The following COPS3 variants were observed in gnomAD, a reference collection of about 807,000 sequenced individuals.
COPS3 encodes COP9 signalosome complex subunit 3.
In COPS3, 10 loss-of-function variants were observed where a neutral mutation model predicts 58.2. That is an observed-to-expected ratio of 0.17 (90% CI 0.11 to 0.29). The LOEUF (loss-of-function observed/expected upper bound fraction) is 0.29, where lower values mean the gene tolerates loss of function less well. Ranked by LOEUF, COPS3 falls within the 10% of genes least tolerant of loss-of-function variation. The pLI is 1.00. For synonymous variants in COPS3, 187 were observed against 181.7 expected (o/e 1.03, Z -0.24); for missense variants, 333 against 510.1 (o/e 0.65, Z 3.34).
intron 8 of COPS3, among the ~76,000 whole-genome samples, chr17:17,255,558 G>A (rs1483651993): frequency 3.3e-5 from 5 of 150,080 alleles, no homozygotes; most frequent in African/African-American, 7.4e-5. Flanking sequence ...AAAACTGATG[G>A]GCGAGGGGTG....
At chr17:17,280,885 G>C (rs1597713403) in intron 1 of COPS3, 3 of 1,007,464 alleles carry the variant, frequency 3.0e-6, no homozygotes, top group East Asian at 2.9e-5. Context: ...GCCCAGGCCG[G>C]GGGGAGGGGG....
At chr17:17,273,159 G>T (rs59301959) in intron 2 of COPS3, among the ~76,000 whole-genome samples, 1 of 152,156 alleles carries the variant, frequency 6.6e-6, no homozygotes, top group African/African-American at 2.4e-5. Context: ...CTTCACTTAC[G>T]CTGGGATTCC....
chr17:17,268,538 T>C lies in COPS3; in HGVS notation c.349-561A>G, dbSNP rs532671307. On this transcript the variant is annotated intron_variant, in intron 4 of 11. Coordinates refer to ENST00000268717, the MANE Select transcript of COPS3 (RefSeq NM_003653.4). ...GACTAAAATATAGTCTCTTCCAAAA[T>C]TGCTGGGCACGGTGGCTCACACCTG... is the stretch of plus-strand genomic sequence containing the variant. Among the ~76,000 whole-genome samples the C allele has an allele frequency of 2.0e-5, 3 of 152,260 alleles. No homozygotes were observed. In the East Asian group the frequency reaches 5.8e-4, roughly 29 times the overall value.
Position 17,267,886 on chromosome 17 carries a change from T to A in COPS3, c.440A>T (p.Gln147Leu). The A allele has an allele frequency of 6.2e-7, 1 of 1,613,668 alleles. No individual in the cohort carries two copies. The highest frequency in any genetic ancestry group is 8.5e-7 in the Non-Finnish European group (1 of 1,179,700). ...QLTSIHADLC[Q>L]LCLLAKCFKP... ...GAATCACACACTTTGGTTGCTTACCTGGCAGAGATCAGCATGTATTGAGGT... is the reference window on the plus strand; with the variant it reads ...GAATCACACACTTTGGTTGCTTACCAGGCAGAGATCAGCATGTATTGAGGT... Residue 147 changes from glutamine to leucine, a missense_variant and splice_region_variant, in exon 5 of 12, where the codon CAG becomes CTG. Physicochemically the swap from Gln to Leu is moderately radical, Grantham distance 113. Transcript: ENST00000268717.
intron 2 of COPS3, among the ~76,000 whole-genome samples, chr17:17,273,543 A>G (rs181828139): frequency 5.9e-4 from 89 of 152,016 alleles, no homozygotes; most frequent in Non-Finnish European, 4.6e-4. Context: ...ACATAGCAAG[A>G]CCCCATCTCT....
At chr17:17,270,646 A>G in intron 4 of COPS3, 112 bp downstream of exon 4, 4 of 940,902 alleles carry the variant, frequency 4.3e-6, no homozygotes, top group Non-Finnish European at 6.4e-6. Flanking sequence ...GTGACCACAG[A>G]TATCTAGGTG....
chr17:17,260,291 C>G lies in COPS3; in HGVS notation c.936+10G>C, dbSNP rs777413669. ...CAGGAGCTGCCCTGTGAAGGTGGCA[C>G]TTTCCTCACCTTTGTTAGCCTCTGA... On this transcript the variant is annotated intron_variant, in intron 8 of 11. Transcript: ENST00000268717. 3.7e-6 allele frequency: 6 copies of G among 1,612,386 alleles called. No individual in the cohort carries two copies. The highest frequency in any genetic ancestry group is 1.1e-5 in the South Asian group (1 of 90,976).
chr17:17,249,153 C>T, intron 9 of COPS3, 114 bp from the exon 10 acceptor site: 1 of 612,926 alleles, frequency 1.6e-6, no homozygotes. Context: ...TATAAATAAA[C>T]TTGTATATTT....
intron 1 of COPS3, among the ~76,000 whole-genome samples, chr17:17,278,683 T>C (rs2048511110): frequency 6.6e-6 from 1 of 152,170 alleles, no homozygotes; most frequent in Non-Finnish European, 1.5e-5. Flanking sequence ...AAATAAGCAT[T>C]GCAATCCATT....
intron 10 of COPS3, among the ~76,000 whole-genome samples, chr17:17,248,420 CTT>C (rs2047769702): frequency 6.6e-6 from 1 of 152,116 alleles, no homozygotes; most frequent in Admixed American, 6.6e-5. Context: ...TTCTAAGAGA[CTT>C]TCCTGCCTCA....
At position 17,281,234 on chromosome 17, in the gene COPS3, A is replaced by T. The variant is rs778309494; in HGVS notation, c.-48T>A. 1.3e-6 allele frequency: 2 copies of T among 1,582,422 alleles called. No homozygotes were observed. The highest frequency in any genetic ancestry group is 1.3e-5 in the African/African-American group (1 of 74,650). ...CGGCGAAGGCAGCACGCGCGGGAAAAGGCTGCCGCTCTGGGAGGAGGGGCC... is the reference window on the plus strand; with the variant it reads ...CGGCGAAGGCAGCACGCGCGGGAAATGGCTGCCGCTCTGGGAGGAGGGGCC... On this transcript the variant is annotated 5_prime_UTR_variant, in exon 1 of 12. Coordinates refer to ENST00000268717, the MANE Select transcript of COPS3 (RefSeq NM_003653.4).
At chr17:17,275,424 C>G (rs1414045407) in intron 2 of COPS3, among the ~76,000 whole-genome samples, 1 of 152,144 alleles carries the variant, frequency 6.6e-6, no homozygotes, top group Non-Finnish European at 1.5e-5. Context: ...CAGTCTCGCT[C>G]TGTCACCCAG....
intron 5 of COPS3, among the ~76,000 whole-genome samples, chr17:17,267,405 C>T (rs985494756): frequency 1.3e-5 from 2 of 151,040 alleles, no homozygotes; most frequent in Non-Finnish European, 2.9e-5. Context: ...CTTTGGGAGG[C>T]TGAGGCGGGT....
At chr17:17,261,277 A>C (rs1221053097) in intron 7 of COPS3, among the ~76,000 whole-genome samples, 2 of 152,250 alleles carry the variant, frequency 1.3e-5, no homozygotes, top group Non-Finnish European at 2.9e-5. Flanking sequence ...CTGTAATCCC[A>C]GCACTTTGGG....
intron 1 of COPS3, among the ~76,000 whole-genome samples, chr17:17,277,387 C>T (rs996680768): frequency 6.6e-6 from 1 of 152,150 alleles, no homozygotes; most frequent in African/African-American, 2.4e-5. Flanking sequence ...CCTAATTGAT[C>T]TATTTTTCCC....
intron 4 of COPS3, among the ~76,000 whole-genome samples, chr17:17,270,027 G>A (rs900684452): frequency 1.3e-5 from 2 of 152,064 alleles, no homozygotes; most frequent in Non-Finnish European, 2.9e-5. Flanking sequence ...GTGGCAGCAT[G>A]CACCTGTAGT....
chr17:17,276,103 T>C lies in COPS3; in HGVS notation c.117A>G (p.Leu39=). 1.2e-6 allele frequency: 2 copies of C among 1,614,132 alleles called. No individual in the cohort carries two copies. The highest frequency in any genetic ancestry group is 2.2e-5 in the South Asian group (2 of 91,088). Reference sequence around the variant, plus strand: ...CCCCGAGCACAGTGTCCAGATGGGATAAGTTCTTCGCAAGGAGTTCCCCAC... The same window carrying C: ...CCCCGAGCACAGTGTCCAGATGGGACAAGTTCTTCGCAAGGAGTTCCCCAC... ...NKSGELLAKN[L]SHLDTVLGAL... The change falls in exon 2 of 12, where the codon TTA becomes TTG. Residue 39 remains leucine (L), a synonymous_variant. Transcript: ENST00000268717.
chr17:17,255,707 G>A (rs1269120653), intron 8 of COPS3, among the ~76,000 whole-genome samples: 1 of 151,636 alleles, frequency 6.6e-6, no homozygotes, highest in African/African-American at 2.4e-5. Flanking sequence ...AGGCATGGTG[G>A]CAGGCACCTG....
At position 17,262,075 on chromosome 17, in the gene COPS3, T is replaced by C; in HGVS notation, c.653A>G (p.His218Arg). Residue 218 changes from histidine to arginine, a missense_variant, in exon 7 of 12, where the codon CAT (histidine) becomes CGT (arginine). Transcript: ENST00000268717. ...AITTPAMAVS[H>R]IMLESYKKYI... ...CTTTTTATATGATTCCAACATGATATGACTGACCGCCATGGCAGGAGTAGT... is the reference window on the plus strand; with the variant it reads ...CTTTTTATATGATTCCAACATGATACGACTGACCGCCATGGCAGGAGTAGT... 6.2e-7 allele frequency: 1 copy of C among 1,611,396 alleles called. No homozygotes were observed. The highest frequency in any genetic ancestry group is 1.1e-5 in the South Asian group (1 of 90,532).
Sources: gnomAD v4.1 joint callset for allele counts (sites outside exome capture counted in the v4.1 genomes callset) on GRCh38, gnomAD v4.1.1 for gene constraint, MANE v1.5 for transcripts, NCBI Gene and HGNC (gene_info 2026-07-23, HGNC 2026-07-21) for gene names.